The following PDE2A variants were observed in gnomAD, a reference collection of about 807,000 sequenced individuals.
PDE2A encodes cGMP-dependent 3',5'-cyclic phosphodiesterase.
Under a neutral mutation model 133.6 loss-of-function variants are expected in PDE2A, and 53 were observed. The ratio of observed to expected loss-of-function variants is 0.40; its 90% CI spans 0.32 to 0.50. PDE2A has a LOEUF of 0.50. Among genes scored for constraint, PDE2A ranks in the 20% least tolerant of loss-of-function variants. The pLI is 0.73. For synonymous variants in PDE2A, 491 were observed against 490.2 expected, an observed-to-expected ratio of 1.00 and a Z score of -0.02; for missense variants, 796 against 1,232.4, an observed-to-expected ratio of 0.65 and a Z score of 5.30.
Position 72,596,599 on chromosome 11 carries a change from G to A in PDE2A, c.483C>T (p.Val161=). 6.7e-6 allele frequency: 10 copies of A among 1,495,066 alleles called. No individual in the cohort carries two copies. The highest frequency in any genetic ancestry group is 9.0e-6 in the Non-Finnish European group (10 of 1,113,394). 92.6% of individuals were successfully genotyped at this position (1,495,066 alleles called of 1,614,324 possible). The change falls in exon 6 of 31, where the codon GTC becomes GTT. Residue 161 remains valine, a synonymous_variant. Coordinates refer to ENST00000334456, the MANE Select transcript of PDE2A (RefSeq NM_002599.5). ...CGCCTAGGCAGGCTCTTACCAAGATGACAGCTGCCACGGCCCCAGCCTCCT... is the reference window on the plus strand; with the variant it reads ...CGCCTAGGCAGGCTCTTACCAAGATAACAGCTGCCACGGCCCCAGCCTCCT... ...ADKEAGAVAA[V]ILVHCGQLSD...
chr11:72,579,189 A>C (rs1855601904), intron 27 of PDE2A, 95 bp downstream of exon 27: 1 of 1,028,938 alleles, frequency 9.7e-7, no homozygotes, highest in Non-Finnish European at 1.5e-6. Flanking sequence ...TTGATGTTGC[A>C]GGGGATGGGT....
chr11:72,582,308 C>A, intron 21 of PDE2A, 136 bp downstream of exon 21: 1 of 838,426 alleles, frequency 1.2e-6, no homozygotes, highest in Non-Finnish European at 1.9e-6. Context: ...GACTACAAGC[C>A]CCTCCATCTC....
chr11:72,620,108 C>T (rs933821484), intron 2 of PDE2A, among the ~76,000 whole-genome samples: 3 of 152,186 alleles, frequency 2.0e-5, no homozygotes, highest in African/African-American at 7.2e-5. Flanking sequence ...GTATAGCCTG[C>T]ACGGTTAAGA....
At position 72,576,553 on chromosome 11, in the gene PDE2A, G is replaced by A. The variant is rs970567959; in HGVS notation, c.*831C>T. 2 of 169,246 alleles carry A rather than the reference G, an allele frequency of 1.2e-5. No homozygotes were observed. The highest frequency in any genetic ancestry group is 4.8e-5 in the African/African-American group (2 of 41,506). 10.5% of individuals were successfully genotyped at this position (169,246 alleles called of 1,614,324 possible). On this transcript the variant is annotated 3_prime_UTR_variant, in exon 31 of 31. Transcript: ENST00000334456. ...GTTGCAGAAACATTCCATAGCCTCT[G>A]CTGGGACTCCGCAGAGCGATAGAGC... is the stretch of plus-strand genomic sequence containing the variant.
intron 12 of PDE2A, 27 bp downstream of exon 12, chr11:72,589,148 C>G: frequency 1.2e-6 from 2 of 1,602,120 alleles, no homozygotes; most frequent in South Asian, 2.2e-5. Context: ...CCTCTTTCCC[C>G]TCTGGGTCAG....
chr11:72,630,144 G>A (rs1458818105), intron 2 of PDE2A, among the ~76,000 whole-genome samples: 1 of 152,016 alleles, frequency 6.6e-6, no homozygotes, highest in Non-Finnish European at 1.5e-5. Context: ...GGGTGGGGAT[G>A]GCACCCCTCG....
intron 2 of PDE2A, among the ~76,000 whole-genome samples, chr11:72,620,734 G>C (rs1356264029): frequency 6.6e-6 from 1 of 152,076 alleles, no homozygotes; most frequent in Non-Finnish European, 1.5e-5. Flanking sequence ...AAATTGCATT[G>C]GCCTAATTGG....
chr11:72,593,942 G>T (rs1331885887), intron 6 of PDE2A, among the ~76,000 whole-genome samples: 1 of 152,132 alleles, frequency 6.6e-6, no homozygotes, highest in Admixed American at 6.5e-5. Flanking sequence ...TATTTTTATT[G>T]TCTTTAGAGA....
chr11:72,628,238 G>A lies in PDE2A; in HGVS notation c.144+14016C>T, dbSNP rs577471427. Among the ~76,000 whole-genome samples the A allele has an allele frequency of 7.9e-5, 12 of 152,296 alleles. No homozygotes were observed. In the South Asian group the frequency reaches 1.5e-3, roughly 18 times the overall value. On this transcript the variant is annotated intron_variant, in intron 2 of 30. Transcript: ENST00000334456. ...ATCTGCCATGTGCCAGGCCTGCGCCGGGCACCCCACACATACAGTCTTTGT... is the reference window on the plus strand; with the variant it reads ...ATCTGCCATGTGCCAGGCCTGCGCCAGGCACCCCACACATACAGTCTTTGT...
intron 1 of PDE2A, 142 bp from the exon 2 acceptor site, chr11:72,642,468 C>A: frequency 1.1e-6 from 1 of 910,138 alleles, no homozygotes; most frequent in Non-Finnish European, 1.3e-6. Context: ...AGTGTCCGCC[C>A]CGGCCCCGCC....
intron 23 of PDE2A, 71 bp downstream of exon 23, chr11:72,581,286 A>G: frequency 6.8e-7 from 1 of 1,469,068 alleles, no homozygotes; most frequent in Non-Finnish European, 9.3e-7. Context: ...CCTGACACAC[A>G]GGGGGTGCTT....
intron 2 of PDE2A, among the ~76,000 whole-genome samples, chr11:72,628,761 C>G (rs1047294606): frequency 2.0e-4 from 31 of 152,360 alleles, no homozygotes; most frequent in African/African-American, 7.5e-4. Flanking sequence ...GACCCTGTGG[C>G]TTGTCCACTA....
At chr11:72,664,093 T>A (rs1466641840) in intron 1 of PDE2A, among the ~76,000 whole-genome samples, 3 of 152,142 alleles carry the variant, frequency 2.0e-5, no homozygotes, top group African/African-American at 7.2e-5. Flanking sequence ...CCCACCTGCC[T>A]CCTTTGACAA....
rs554574408 is a variant in PDE2A at position 72,578,105 on chromosome 11, C to A, written c.2615+128G>T. ...GGGCACAGCGGGAGACAGTTATGCC[C>A]AGAGGCAAGGGGATGAATCAGTTGG... On this transcript the variant is annotated intron_variant, in intron 30 of 30. Coordinates refer to ENST00000334456, the MANE Select transcript of PDE2A (RefSeq NM_002599.5). This position sits in a 1 kb window ranked among gnomAD's most constrained non-coding sequence, Gnocchi z 4.2. 1.6e-5 allele frequency: 11 copies of A among 701,474 alleles called. No homozygotes were observed. The South Asian group carries it at 1.8e-4, about 11-fold the overall frequency. The allele number at this position is 701,474 out of a possible 1,614,324, so 43.5% of individuals were successfully genotyped here.
intron 1 of PDE2A, among the ~76,000 whole-genome samples, chr11:72,655,531 G>A (rs775890422): frequency 3.3e-5 from 5 of 151,994 alleles, no homozygotes; most frequent in Non-Finnish European, 7.4e-5. Context: ...GTGCATGTGT[G>A]TGTGTGTGCA....
At chr11:72,608,602 A>C in intron 3 of PDE2A, 60 bp downstream of exon 3, 1 of 837,912 alleles carries the variant, frequency 1.2e-6, no homozygotes, top group Non-Finnish European at 2.0e-6. Flanking sequence ...GGTACAGCAT[A>C]GAGCTGGTCA....
chr11:72,600,519 C>T (rs1856692937), intron 4 of PDE2A, among the ~76,000 whole-genome samples: 1 of 152,154 alleles, frequency 6.6e-6, no homozygotes, highest in Non-Finnish European at 1.5e-5. Flanking sequence ...CCATAGCCCT[C>T]CCAGAACTGC....
At position 72,585,549 on chromosome 11, in the gene PDE2A, C is replaced by T; in HGVS notation, c.1222+5G>A. On this transcript the variant is annotated splice_donor_5th_base_variant and intron_variant, in intron 15 of 30. Coordinates refer to ENST00000334456, the MANE Select transcript of PDE2A (RefSeq NM_002599.5). Reference sequence around the variant, plus strand: ...ACAGCCAGGCAGAGAGAACAGTGCACTCACCCAGGTGGGTGAAGAGGTTCT... The same window carrying T: ...ACAGCCAGGCAGAGAGAACAGTGCATTCACCCAGGTGGGTGAAGAGGTTCT... The T allele has an allele frequency of 1.2e-6, 2 of 1,613,418 alleles. No homozygotes were observed. Among genetic ancestry groups the T allele is most frequent in the Non-Finnish European group, 1.7e-6 (2 of 1,179,326 alleles).
intron 4 of PDE2A, among the ~76,000 whole-genome samples, chr11:72,603,860 C>T (rs1055403949): frequency 2.0e-5 from 3 of 152,158 alleles, no homozygotes; most frequent in African/African-American, 7.2e-5. Context: ...CAACTCCTTC[C>T]ACGGGAAAGG....
Sources: allele counts gnomAD v4.1 joint callset (sites outside exome capture counted in the v4.1 genomes callset), GRCh38; gene constraint gnomAD v4.1.1; non-coding constraint Gnocchi (gnomAD v3.1); transcripts MANE v1.5; gene names NCBI Gene and HGNC (gene_info 2026-07-23, HGNC 2026-07-21).